Variants in CCDC6 observed in about 807,000 individuals in gnomAD.
CCDC6 encodes the protein coiled-coil domain containing 6.
A neutral mutation model predicts 56.6 loss-of-function variants in CCDC6; 20 were observed. The observed-to-expected ratio is 0.35, with a 90% CI of 0.25 to 0.51. CCDC6 has a LOEUF of 0.51. CCDC6 is among the 20% of genes least tolerant of loss of function. CCDC6 has a pLI of 0.95. For synonymous variants in CCDC6, 241 were observed against 234.4 expected (o/e 1.03, Z -0.26); for missense variants, 367 against 601.1 (o/e 0.61, Z 4.07).
chr10:59,796,416 TGTAG>T (rs1381636501), intron 7 of CCDC6, among the ~76,000 whole-genome samples: 2 of 151,912 alleles, frequency 1.3e-5, no homozygotes, highest in African/African-American at 4.8e-5. Flanking sequence ...TCTCCCAATT[TGTAG>T]GTTGTATAAA....
rs747463591 is a variant in CCDC6, at chr10:59,906,391, C to T, written c.34G>A (p.Gly12Arg). The change falls in exon 1 of 9, where the codon GGG becomes AGG. Residue 12 changes from glycine to arginine, a missense_variant. Physicochemically the swap from Gly to Arg is moderately radical, Grantham distance 125 (BLOSUM62 -2). Transcript: ENST00000263102. Reference sequence around the variant, plus strand: ...GAGCTGCTGCTGTTGCCCCCCGCCCCGTCCGTGTCGCTCTCGCTGGCGCTG... The same window carrying T: ...GAGCTGCTGCTGTTGCCCCCCGCCCTGTCCGTGTCGCTCTCGCTGGCGCTG... ...ADSASESDTD[G>R]AGGNSSSSAA... 2 of 1,583,266 alleles carry T rather than the reference C, an allele frequency of 1.3e-6. No individual in the cohort carries two copies. Among genetic ancestry groups the T allele is most frequent in the Non-Finnish European group, 8.5e-7 (1 of 1,173,392 alleles).
rs1242284607 is a variant in CCDC6, at chr10:59,814,652, C to T, written c.686G>A (p.Arg229Gln). 3 of 1,600,106 alleles carry T rather than the reference C, an allele frequency of 1.9e-6. No homozygotes were observed. The highest frequency in any genetic ancestry group is 2.6e-6 in the Non-Finnish European group (3 of 1,167,484). ...TACTGAACAGCAAGACTAAACAAAC[C>T]GCTTTTCAGCTTCAAGCTTATCCAT... ...KRMDKLEAEK[R>Q]ILQEKLDQPV... is the part of the protein sequence containing the mutation. Residue 229 changes from arginine (R) to glutamine (Q), a missense_variant and splice_region_variant, in exon 4 of 9, where the codon CGA becomes CAA. By Grantham distance (43) the Arg-to-Gln change is conservative. This residue lies in a region of CCDC6 where 31 missense variants were observed against 124.2 expected (regional missense o/e 0.25). Transcript: ENST00000263102.
intron 1 of CCDC6, among the ~76,000 whole-genome samples, chr10:59,858,689 C>T (rs1358351369): frequency 6.6e-6 from 1 of 152,202 alleles, no homozygotes; most frequent in Non-Finnish European, 1.5e-5. Context: ...CACACCTCAT[C>T]ATGTCAGTTC....
At chr10:59,859,955 G>C (rs193126512) in intron 1 of CCDC6, among the ~76,000 whole-genome samples, 1 of 152,140 alleles carries the variant, frequency 6.6e-6, no homozygotes, top group Non-Finnish European at 1.5e-5. Flanking sequence ...GGTGGCGCAC[G>C]CCTATAATCC....
At chr10:59,795,610 T>C (rs10821596) in intron 7 of CCDC6, among the ~76,000 whole-genome samples, 70,371 of 141,518 alleles carry the variant, frequency 0.5, 18,931 homozygotes, top group African/African-American at 0.71. Flanking sequence ...TCTCCTAATG[T>C]TATGCCTCTC....
intron 1 of CCDC6, among the ~76,000 whole-genome samples, chr10:59,886,687 CA>C (rs1403401853): frequency 6.6e-6 from 1 of 152,024 alleles, no homozygotes; most frequent in African/African-American, 2.4e-5. Flanking sequence ...CACCAAAAGC[CA>C]AGTCAAAAGA....
chr10:59,833,768 C>T (rs768440570), intron 2 of CCDC6, among the ~76,000 whole-genome samples: 1 of 151,920 alleles, frequency 6.6e-6, no homozygotes, highest in Non-Finnish European at 1.5e-5. Context: ...GAATAGGACA[C>T]TGCTCCCTAA....
intron 1 of CCDC6, among the ~76,000 whole-genome samples, chr10:59,892,251 C>A (rs955586893): frequency 6.6e-6 from 1 of 152,136 alleles, no homozygotes; most frequent in African/African-American, 2.4e-5. Context: ...AGTCAGAAAA[C>A]GTGTACTTTT....
At chr10:59,879,551 A>C (rs529241027) in intron 1 of CCDC6, among the ~76,000 whole-genome samples, 195 of 151,322 alleles carry the variant, frequency 1.3e-3, no homozygotes, top group African/African-American at 4.0e-3. Flanking sequence ...AGTGAGACAA[A>C]ACAAGATCAC....
At chr10:59,864,107 T>C (rs1204696411) in intron 1 of CCDC6, among the ~76,000 whole-genome samples, 2 of 152,208 alleles carry the variant, frequency 1.3e-5, no homozygotes, top group Non-Finnish European at 2.9e-5. Flanking sequence ...CATGCCATGA[T>C]GTAACTGAAT....
In CCDC6 at chr10:59,847,343, G is replaced by A. The variant is rs188667768; in HGVS notation, c.453+5210C>T. ...GTTGGGATTACAGGCAGGAGCCACC[G>A]CGCCAGGCCTAGAAATTTTTTTTTA... On this transcript the variant is annotated intron_variant, in intron 2 of 8. Coordinates refer to ENST00000263102, the MANE Select transcript of CCDC6 (RefSeq NM_005436.5). 4.7e-3 allele frequency among the ~76,000 whole-genome samples: 679 copies of A among 144,704 alleles called. 4 individuals are homozygous for A. Among genetic ancestry groups the A allele is most frequent in the African/African-American group, 0.017 (628 of 36,948 alleles). 94.9% of individuals were successfully genotyped at this position (144,704 alleles called of 152,430 possible). A position where few individuals can be genotyped will look rare whatever the true frequency, so the allele number is the denominator to read the frequency against.
intron 2 of CCDC6, among the ~76,000 whole-genome samples, chr10:59,837,536 G>GA (rs1481932555): frequency 6.6e-6 from 1 of 152,106 alleles, no homozygotes; most frequent in Non-Finnish European, 1.5e-5. Flanking sequence ...CTGATGTCAG[G>GA]AGTTTGAGTC....
At chr10:59,862,077 G>C (rs1326482712) in intron 1 of CCDC6, among the ~76,000 whole-genome samples, 4 of 152,158 alleles carry the variant, frequency 2.6e-5, no homozygotes, top group Admixed American at 6.5e-5. Flanking sequence ...AAGGCAGCCA[G>C]AGAAAAAGGA....
chr10:59,893,625 T>C (rs2071440620), intron 1 of CCDC6, among the ~76,000 whole-genome samples: 1 of 103,778 alleles, frequency 9.6e-6, no homozygotes, highest in Admixed American at 8.9e-5. Flanking sequence ...AATACATACA[T>C]ACATACATAC....
intron 2 of CCDC6, among the ~76,000 whole-genome samples, chr10:59,836,689 A>G (rs1037170735): frequency 3.9e-5 from 6 of 152,232 alleles, no homozygotes; most frequent in African/African-American, 1.4e-4. Context: ...TTTTTTATAT[A>G]AAGTCAATCT....
intron 3 of CCDC6, among the ~76,000 whole-genome samples, chr10:59,829,146 G>C (rs1340717928): frequency 1.1e-4 from 16 of 152,214 alleles, no homozygotes; most frequent in Admixed American, 1.0e-3. Flanking sequence ...GCTGACATGT[G>C]AGTTAACTGG....
Position 59,793,102 on chromosome 10 carries a change from G to C in CCDC6, c.1240C>G (p.Pro414Ala), listed in dbSNP as rs1336428205. ...GTSHGITRPS[P>A]RRSNSPDKFK... Reference sequence around the variant, plus strand: ...TTGTCAGGACTGTTGCTTCTCCGTGGTGAAGGCCTCTGCAGAGGGGACAGG... The same window carrying C: ...TTGTCAGGACTGTTGCTTCTCCGTGCTGAAGGCCTCTGCAGAGGGGACAGG... The change falls in exon 9 of 9, where the codon CCA becomes GCA. Residue 414 changes from proline to alanine, a missense_variant. Coordinates refer to ENST00000263102, the MANE Select transcript of CCDC6 (RefSeq NM_005436.5). The C allele has an allele frequency of 6.2e-7, 1 of 1,614,098 alleles. No homozygotes were observed. Among genetic ancestry groups the C allele is most frequent in the East Asian group, 2.2e-5 (1 of 44,868 alleles).
At chr10:59,797,588 C>CA (rs10561094) in intron 7 of CCDC6, among the ~76,000 whole-genome samples, 438 of 31,610 alleles carry the variant, frequency 0.014, 34 homozygotes, top group African/African-American at 0.017. Context: ...AACCTCCTAG[C>CA]AAAAAAAAAA....
chr10:59,849,364 T>A (rs565765013), intron 2 of CCDC6, among the ~76,000 whole-genome samples: 1 of 152,164 alleles, frequency 6.6e-6, no homozygotes, highest in Admixed American at 6.5e-5. Context: ...GATGAACACA[T>A]ATGGAGGTGT....
Sources: allele counts gnomAD v4.1 joint callset (sites outside exome capture counted in the v4.1 genomes callset), GRCh38; gene constraint gnomAD v4.1.1; regional missense constraint gnomAD v4.1.1; transcripts MANE v1.5; gene names NCBI Gene and HGNC (gene_info 2026-07-23, HGNC 2026-07-21).